Variants in DMD observed in about 807,000 individuals in gnomAD.
DMD encodes dystrophin, also known as mutant dystrophin.
DMD carries 63 observed loss-of-function variants against 330.1 expected under a neutral mutation model. The observed-to-expected ratio is 0.19, with a 90% CI of 0.16 to 0.24. The LOEUF is 0.24. Among genes scored for constraint, DMD ranks in the 10% least tolerant of loss-of-function variants. The probability of loss-of-function intolerance (pLI) is 1.00; values close to 1 mark genes in which losing one functional copy is unlikely to be tolerated. For missense variants in DMD, 3,344 were observed against 2,684.1 expected (o/e 1.25, Z -5.43); for synonymous variants, 1,223 against 959.8 (o/e 1.27, Z -5.07).
intron 7 of DMD, among the ~76,000 whole-genome samples, chrX:32,742,760 T>C (rs1603338644): frequency 1.8e-5 from 2 of 112,381 alleles, no homozygotes; most frequent in Admixed American, 9.4e-5. Context: ...TTTGGCCTGC[T>C]TCCCATATGT....
chrX:32,799,779 T>C (rs971779429), intron 7 of DMD, among the ~76,000 whole-genome samples: 1 of 111,062 alleles, frequency 9.0e-6, no homozygotes, highest in Non-Finnish European at 1.9e-5. Flanking sequence ...TCTATGAGCA[T>C]AAACATACAT....
intron 1 of DMD, among the ~76,000 whole-genome samples, chrX:33,106,426 G>T (rs1431748487): frequency 9.0e-6 from 1 of 110,702 alleles, no homozygotes; most frequent in South Asian, 3.8e-4. Context: ...TAAAGCTATT[G>T]AAGTACAACA....
intron 52 of DMD, among the ~76,000 whole-genome samples, chrX:31,688,428 G>C (rs1025685522): frequency 2.7e-5 from 3 of 111,573 alleles, no homozygotes; most frequent in Non-Finnish European, 3.8e-5. Context: ...GGAAGAAGTT[G>C]AATCCCTGAA....
At chrX:31,178,470 C>T (rs1387215652) in intron 70 of DMD, 199 bp downstream of exon 70, 573 of 809,525 alleles carry the variant, frequency 7.1e-4, no homozygotes, top group Non-Finnish European at 8.2e-4. Context: ...TAAAGTTTAA[C>T]TTTTGGAAAA....
chrX:33,295,196 A>G (rs772487521), intron 1 of DMD, among the ~76,000 whole-genome samples: 11 of 110,783 alleles, frequency 9.9e-5, no homozygotes, highest in Non-Finnish European at 1.9e-4. Flanking sequence ...ATCACTTCTT[A>G]ATTATTTTAC....
chrX:32,443,323 C>T (rs949684145), intron 27 of DMD, among the ~76,000 whole-genome samples: 10 of 110,701 alleles, frequency 9.0e-5, no homozygotes, highest in Non-Finnish European at 1.9e-4. Flanking sequence ...GCTTGGCAAA[C>T]GTACCAACCT....
chrX:33,050,441 C>T (rs959070033), intron 1 of DMD, among the ~76,000 whole-genome samples: 4 of 111,091 alleles, frequency 3.6e-5, no homozygotes, highest in African/African-American at 1.3e-4. Context: ...GCAAAAATAC[C>T]GCTGGAAAAA....
Position 32,733,597 on chromosome X carries a change from G to A in DMD, c.650-34304C>T, listed in dbSNP as rs1603302206. Among the ~76,000 whole-genome samples the A allele has an allele frequency of 2.7e-5, 3 of 111,468 alleles. No homozygotes were observed. In the South Asian group the frequency reaches 1.1e-3, roughly 42 times the overall value. Reference sequence around the variant, plus strand: ...CACAGTGCAATCAAACTAGAACTCAGAATTAAGAATCTCACTCAAAACCGC... The same window carrying A: ...CACAGTGCAATCAAACTAGAACTCAAAATTAAGAATCTCACTCAAAACCGC... On this transcript the variant is annotated intron_variant, in intron 7 of 78. Transcript: ENST00000357033.
chrX:31,501,040 C>T (rs1453170482), intron 56 of DMD, among the ~76,000 whole-genome samples: 1 of 112,125 alleles, frequency 8.9e-6, no homozygotes, highest in Non-Finnish European at 1.9e-5. Context: ...ATTCTTGTAA[C>T]AAATAGCTGA....
intron 2 of DMD, among the ~76,000 whole-genome samples, chrX:32,999,633 G>A (rs572659586): frequency 1.8e-5 from 2 of 110,413 alleles, no homozygotes; most frequent in Non-Finnish European, 3.8e-5. Flanking sequence ...AAAATTAGCC[G>A]GGTGTGGTGG....
intron 45 of DMD, among the ~76,000 whole-genome samples, chrX:31,944,950 A>G (rs928132183): frequency 2.7e-5 from 3 of 111,928 alleles, no homozygotes; most frequent in Non-Finnish European, 5.6e-5. Flanking sequence ...GAAATAATCC[A>G]TTAGGTATGA....
intron 55 of DMD, among the ~76,000 whole-genome samples, chrX:31,567,104 G>GCTTTTGTT (rs1292810126): frequency 9.0e-6 from 1 of 111,379 alleles, no homozygotes; most frequent in Non-Finnish European, 1.9e-5. Context: ...GGTTATTTTT[G>GCTTTTGTT]CTTTTGTTTT....
At chrX:32,507,980 G>A (rs1036228722) in intron 18 of DMD, among the ~76,000 whole-genome samples, 1 of 110,075 alleles carries the variant, frequency 9.1e-6, no homozygotes, top group East Asian at 2.8e-4. Flanking sequence ...TATTTCAATG[G>A]ATATTATTCA....
intron 11 of DMD, among the ~76,000 whole-genome samples, chrX:32,629,270 C>A (rs764206894): frequency 9.0e-6 from 1 of 111,699 alleles, no homozygotes; most frequent in Non-Finnish European, 1.9e-5. Context: ...CTACAATGAC[C>A]GGCGTTGTCC....
At chrX:32,299,249 T>C (rs2097511183) in intron 42 of DMD, among the ~76,000 whole-genome samples, 2 of 110,937 alleles carry the variant, frequency 1.8e-5, no homozygotes, top group Non-Finnish European at 3.8e-5. Flanking sequence ...TTATTTTTCC[T>C]TGTGTCCAAT....
intron 13 of DMD, among the ~76,000 whole-genome samples, chrX:32,586,937 G>A (rs559579192): frequency 3.6e-5 from 4 of 111,311 alleles, no homozygotes; most frequent in East Asian, 2.8e-4. Context: ...GCTTAGCTTT[G>A]TGGATTATTT....
At chrX:32,675,456 C>A (rs893970224) in intron 9 of DMD, among the ~76,000 whole-genome samples, 2 of 111,540 alleles carry the variant, frequency 1.8e-5, no homozygotes, top group African/African-American at 6.5e-5. Flanking sequence ...TATAAAGTAA[C>A]CTTTATTTTA....
At chrX:31,845,534 T>C (rs979111430) in intron 48 of DMD, among the ~76,000 whole-genome samples, 1 of 109,894 alleles carries the variant, frequency 9.1e-6, no homozygotes, top group African/African-American at 3.3e-5. Flanking sequence ...TTTAAGATGA[T>C]AACTCTAGCG....
At chrX:33,084,055 G>A (rs960572076) in intron 1 of DMD, among the ~76,000 whole-genome samples, 1 of 112,161 alleles carries the variant, frequency 8.9e-6, no homozygotes, top group Non-Finnish European at 1.9e-5. Flanking sequence ...CTGTAATAGG[G>A]CTACAGTTAA....
Sources: allele counts gnomAD v4.1 joint callset (sites outside exome capture counted in the v4.1 genomes callset), GRCh38; gene constraint gnomAD v4.1.1; transcripts MANE v1.5; gene names NCBI Gene and HGNC (gene_info 2026-07-23, HGNC 2026-07-21).